The following SPACA1 variants were observed in gnomAD, a reference collection of about 807,000 sequenced individuals.
SPACA1 encodes the protein sperm acrosome membrane-associated protein 1.
SPACA1 carries 17 observed loss-of-function variants against 32.6 expected under a neutral mutation model. The observed-to-expected ratio is 0.52, with a 90% CI of 0.36 to 0.78. The LOEUF is 0.78. Among genes scored for constraint, SPACA1 ranks in the 30% least tolerant of loss-of-function variants. The pLI is 0.01. For missense variants in SPACA1, 363 were observed against 373.4 expected (o/e 0.97, Z 0.23); for synonymous variants, 140 against 138.1 (o/e 1.01, Z -0.10).
chr6:88,060,688 A>C (rs747800409), intron 5 of SPACA1, among the ~76,000 whole-genome samples: 7 of 152,216 alleles, frequency 4.6e-5, no homozygotes, highest in Non-Finnish European at 1.0e-4. Context: ...AGCTCTAAAA[A>C]AGGCAAGAGA....
At chr6:88,057,521 A>G in intron 2 of SPACA1, 91 bp from the exon 3 acceptor site, 1 of 770,954 alleles carries the variant, frequency 1.3e-6, no homozygotes, top group Non-Finnish European at 2.1e-6. Context: ...ATTAGAAGAA[A>G]AGTCTTAAGA....
chr6:88,047,800 C>T, upstream of SPACA1: 1 of 1,146,138 alleles, frequency 8.7e-7, no homozygotes, highest in South Asian at 1.6e-5. Context: ...TCACGGGATT[C>T]GGAGCCGGGC....
At chr6:88,063,981 C>G (rs1282386532) in intron 5 of SPACA1, 118 bp from the exon 6 acceptor site, 11 of 1,124,652 alleles carry the variant, frequency 9.8e-6, no homozygotes, top group Non-Finnish European at 1.3e-5. Context: ...ATAATTTTCT[C>G]TGCACTAAGC....
rs1775988233 is a variant in SPACA1, at chr6:88,066,439, T to C, written c.*104T>C. The C allele has an allele frequency of 8.8e-6, 10 of 1,139,248 alleles. No homozygotes were observed. In the South Asian group the frequency reaches 1.7e-4, roughly 20 times the overall value. 70.6% of individuals were successfully genotyped at this position (1,139,248 alleles called of 1,614,324 possible). ...AATACTTTAATAATGTTGCGATGGATTGCCACAGTGTGAAGGAAATGCAGT... is the reference window on the plus strand; with the variant it reads ...AATACTTTAATAATGTTGCGATGGACTGCCACAGTGTGAAGGAAATGCAGT... On this transcript the variant is annotated 3_prime_UTR_variant, in exon 7 of 7. Transcript: ENST00000237201.
At chr6:88,054,119 T>A in intron 2 of SPACA1, 117 bp downstream of exon 2, 1 of 757,228 alleles carries the variant, frequency 1.3e-6, no homozygotes, top group South Asian at 2.0e-5. Flanking sequence ...TCATGGATTT[T>A]TATTTCTAAT....
rs568290837 is a variant in SPACA1, at chr6:88,056,144, A to G, written c.266-1468A>G. Among the ~76,000 whole-genome samples, 7 of 152,276 alleles carry G rather than the reference A, an allele frequency of 4.6e-5. No individual in the cohort carries two copies. The East Asian group carries it at 1.3e-3, about 29-fold the overall frequency. ...GCTGAGGCTGGCGGATCACCAGGTC[A>G]GGAGTTCGAGACCAGCCTGACCACC... is the stretch of plus-strand genomic sequence containing the variant. On this transcript the variant is annotated intron_variant, in intron 2 of 6. Coordinates refer to ENST00000237201, the MANE Select transcript of SPACA1 (RefSeq NM_030960.3).
At chr6:88,049,195 TA>T (rs764528705) in intron 1 of SPACA1, among the ~76,000 whole-genome samples, 16 of 152,238 alleles carry the variant, frequency 1.1e-4, no homozygotes, top group Admixed American at 2.6e-4. Context: ...GAACACGTCC[TA>T]AAGCATAGTA....
At chr6:88,064,280 A>T (rs1179873081) in intron 6 of SPACA1, 61 bp downstream of exon 6, 3 of 1,536,432 alleles carry the variant, frequency 2.0e-6, no homozygotes, top group Non-Finnish European at 2.6e-6. Flanking sequence ...CCCCCTCCTC[A>T]TCCAGTGAAT....
At chr6:88,051,975 CTTAGAGT>C (rs1324470945) in intron 1 of SPACA1, among the ~76,000 whole-genome samples, 2 of 152,200 alleles carry the variant, frequency 1.3e-5, no homozygotes, top group Non-Finnish European at 2.9e-5. Flanking sequence ...CAACTGTGGT[CTTAGAGT>C]TTAAACAGTT....
chr6:88,064,040 A>G, intron 5 of SPACA1, 59 bp from the exon 6 acceptor site: 1 of 1,542,118 alleles, frequency 6.5e-7, no homozygotes, highest in Non-Finnish European at 8.7e-7. Flanking sequence ...CTTTTAAGTT[A>G]GATATTCATT....
intron 1 of SPACA1, 42 bp from the exon 2 acceptor site, chr6:88,053,904 T>G (rs1330159379): frequency 6.4e-7 from 1 of 1,568,464 alleles, no homozygotes; most frequent in Non-Finnish European, 8.7e-7. Flanking sequence ...TTAGAAAAGT[T>G]TTCATATAAT....
chr6:88,048,405 A>G (rs989220917), intron 1 of SPACA1, among the ~76,000 whole-genome samples: 6 of 152,152 alleles, frequency 3.9e-5, no homozygotes, highest in African/African-American at 1.4e-4. Context: ...GGTGGGAGGT[A>G]GCCTTCCAAC....
intron 4 of SPACA1, 116 bp from the exon 5 acceptor site, chr6:88,059,335 ATT>A: frequency 2.3e-6 from 2 of 870,892 alleles, no homozygotes; most frequent in South Asian, 4.1e-5. Context: ...TAGATCATTA[ATT>A]ACTCAACTAG....
At chr6:88,052,150 A>G (rs897850558) in intron 1 of SPACA1, among the ~76,000 whole-genome samples, 1 of 152,238 alleles carries the variant, frequency 6.6e-6, no homozygotes, top group Non-Finnish European at 1.5e-5. Context: ...TTACTGAGTA[A>G]ACTAATGGAC....
chr6:88,057,711 G>T lies in SPACA1; in HGVS notation c.365G>T (p.Gly122Val). 6.2e-7 allele frequency: 1 copy of T among 1,613,272 alleles called. No individual in the cohort carries two copies. The highest frequency in any genetic ancestry group is 1.1e-5 in the South Asian group (1 of 91,044). The change falls in exon 3 of 7, where the codon GGC becomes GTC. Residue 122 changes from glycine (G) to valine (V), a missense_variant and splice_region_variant. By Grantham distance (109) the Gly-to-Val change is moderately radical. Transcript: ENST00000237201. ...GAATGCCGTGGACCAACAGATTGTG[G>T]CTGTGAGTTGAATTATGTATTGGAG... ...VEECRGPTDCGWGKPISESLE... is the reference protein window; with the variant it reads ...VEECRGPTDCVWGKPISESLE...
intron 5 of SPACA1, among the ~76,000 whole-genome samples, chr6:88,060,672 C>T (rs1314393133): frequency 6.6e-6 from 1 of 152,036 alleles, no homozygotes; most frequent in Non-Finnish European, 1.5e-5. Context: ...GGATCATTTT[C>T]AATAAAGCTC....
chr6:88,060,794 C>T (rs572682577), intron 5 of SPACA1, among the ~76,000 whole-genome samples: 10 of 152,332 alleles, frequency 6.6e-5, no homozygotes, highest in African/African-American at 2.2e-4. Flanking sequence ...CCTACTATCT[C>T]GTCCCTGTTA....
rs1404502904 is a variant in SPACA1 at position 88,048,053 on chromosome 6, G to C, written c.148G>C (p.Glu50Gln). ...GLAHEGEGEE[E>Q]TENNDSETAE... ...GGCCCACGAAGGCGAGGGCGAGGAG[G>C]AGACCGAAAACAACGACAGCGAGAC... Residue 50 changes from glutamate to glutamine, a missense_variant, in exon 1 of 7, where the codon GAG (glutamate) becomes CAG (glutamine). Glu to Gln is a conservative substitution (Grantham distance 29). Coordinates refer to ENST00000237201, the MANE Select transcript of SPACA1 (RefSeq NM_030960.3). The C allele has an allele frequency of 1.2e-6, 2 of 1,604,090 alleles. No individual in the cohort carries two copies. Among genetic ancestry groups the C allele is most frequent in the Admixed American group, 1.7e-5 (1 of 58,200 alleles).
At chr6:88,061,567 A>G (rs1213067658) in intron 5 of SPACA1, among the ~76,000 whole-genome samples, 1 of 152,138 alleles carries the variant, frequency 6.6e-6, no homozygotes, top group Non-Finnish European at 1.5e-5. Context: ...GAGTTATGCT[A>G]CCAGAATCCA....
Sources: gnomAD v4.1 joint callset for allele counts (sites outside exome capture counted in the v4.1 genomes callset) on GRCh38, gnomAD v4.1.1 for gene constraint, MANE v1.5 for transcripts, NCBI Gene and HGNC (gene_info 2026-07-23, HGNC 2026-07-21) for gene names.